Variants in THSD7B observed in about 807,000 individuals in gnomAD.
THSD7B encodes the protein thrombospondin type-1 domain-containing protein 7B.
In THSD7B, 138 loss-of-function variants were observed where a neutral mutation model predicts 213.6. The observed-to-expected ratio is 0.65, with a 90% CI of 0.56 to 0.74. The LOEUF (loss-of-function observed/expected upper bound fraction) is 0.74, where lower values mean the gene tolerates loss of function less well. THSD7B is among the 30% of genes least tolerant of loss of function. The pLI, the probability that THSD7B is intolerant of heterozygous loss-of-function variation, is 0.00. For synonymous variants in THSD7B, 742 were observed against 687.0 expected (o/e 1.08, Z -1.25); for missense variants, 1,931 against 1,991.5 (o/e 0.97, Z 0.58).
intron 7 of THSD7B, among the ~76,000 whole-genome samples, chr2:137,171,337 A>G (rs12990583): frequency 0.046 from 7,019 of 152,272 alleles, 199 homozygotes; most frequent in Admixed American, 0.069. Context: ...GGACTGAAAC[A>G]TCCTGCAAGT....
intron 1 of THSD7B, among the ~76,000 whole-genome samples, chr2:136,783,596 CTG>C (rs1681785334): frequency 6.6e-6 from 1 of 152,048 alleles, no homozygotes; most frequent in Admixed American, 6.5e-5. Flanking sequence ...GCTGAAAATG[CTG>C]TCCTAAGGGA....
At chr2:137,198,554 T>G (rs1189387806) in intron 7 of THSD7B, among the ~76,000 whole-genome samples, 1 of 152,168 alleles carries the variant, frequency 6.6e-6, no homozygotes, top group African/African-American at 2.4e-5. Context: ...GACTAACGGT[T>G]TCAGCTGCTA....
chr2:137,108,120 G>C (rs572686680), intron 4 of THSD7B, among the ~76,000 whole-genome samples: 4 of 152,206 alleles, frequency 2.6e-5, no homozygotes, highest in African/African-American at 9.6e-5. Context: ...ATCTATATGT[G>C]CTCAGTCAAA....
chr2:137,121,401 C>A (rs574149305), intron 5 of THSD7B, among the ~76,000 whole-genome samples: 1 of 152,170 alleles, frequency 6.6e-6, no homozygotes, highest in Admixed American at 6.5e-5. Flanking sequence ...AATTTGATCT[C>A]CTGAAGAGGA....
intron 1 of THSD7B, among the ~76,000 whole-genome samples, chr2:136,828,668 C>T (rs1041285689): frequency 6.6e-6 from 1 of 152,196 alleles, no homozygotes; most frequent in African/African-American, 2.4e-5. Flanking sequence ...GTTCCTCAGG[C>T]CTGCTAAGCA....
chr2:136,894,011 G>T (rs986914285), intron 2 of THSD7B, among the ~76,000 whole-genome samples: 2 of 152,070 alleles, frequency 1.3e-5, no homozygotes, highest in Non-Finnish European at 2.9e-5. Flanking sequence ...GAGAATCCAT[G>T]ATATTATTAC....
At chr2:137,282,656 T>C (rs983574294) in intron 12 of THSD7B, among the ~76,000 whole-genome samples, 2 of 152,192 alleles carry the variant, frequency 1.3e-5, no homozygotes, top group African/African-American at 2.4e-5. Context: ...ATTTATTAAA[T>C]AGGGAATCCT....
At chr2:137,345,067 C>T (rs1482487618) in intron 12 of THSD7B, among the ~76,000 whole-genome samples, 1 of 151,666 alleles carries the variant, frequency 6.6e-6, no homozygotes, top group African/African-American at 2.4e-5. Context: ...CCAGAGGAAG[C>T]TACTTCTTGC....
At chr2:137,148,024 A>T (rs1679737809) in intron 5 of THSD7B, among the ~76,000 whole-genome samples, 1 of 152,012 alleles carries the variant, frequency 6.6e-6, no homozygotes, top group African/African-American at 2.4e-5. Context: ...CTGTGTCCCC[A>T]CCCAAATTTT....
At chr2:136,768,406 G>A (rs1013146584) in intron 1 of THSD7B, among the ~76,000 whole-genome samples, 11 of 151,834 alleles carry the variant, frequency 7.2e-5, no homozygotes, top group African/African-American at 2.7e-4. Context: ...AAGAAAAAAA[G>A]TCTTGCCAAA....
intron 5 of THSD7B, among the ~76,000 whole-genome samples, chr2:137,119,171 T>C (rs549914441): frequency 6.6e-6 from 1 of 152,338 alleles, no homozygotes; most frequent in South Asian, 2.1e-4. Context: ...TTGAAGGAAA[T>C]GTGGTAAACC....
chr2:137,012,034 C>T (rs1686239442), intron 2 of THSD7B, among the ~76,000 whole-genome samples: 1 of 152,166 alleles, frequency 6.6e-6, no homozygotes, highest in East Asian at 1.9e-4. Context: ...TTAGCATCAG[C>T]AATCCTATTC....
At chr2:137,562,872 A>G (rs767679953) in intron 15 of THSD7B, among the ~76,000 whole-genome samples, 18 of 152,156 alleles carry the variant, frequency 1.2e-4, no homozygotes, top group Non-Finnish European at 2.5e-4. Flanking sequence ...AGAATACAAT[A>G]TACCATACAA....
chr2:137,543,400 A>G (rs1488042158), intron 15 of THSD7B, among the ~76,000 whole-genome samples: 1 of 151,882 alleles, frequency 6.6e-6, no homozygotes, highest in Non-Finnish European at 1.5e-5. Context: ...CTTTTTGACA[A>G]ATAGTGCTTG....
chr2:137,555,351 G>C (rs1018425085), intron 15 of THSD7B, among the ~76,000 whole-genome samples: 2 of 152,192 alleles, frequency 1.3e-5, no homozygotes, highest in Non-Finnish European at 2.9e-5. Flanking sequence ...GAAACCTCCA[G>C]GGGAACGATT....
chr2:137,542,347 A>G (rs910233598), intron 15 of THSD7B, among the ~76,000 whole-genome samples: 1 of 151,738 alleles, frequency 6.6e-6, no homozygotes, highest in African/African-American at 2.4e-5. Context: ...CATATCCAGC[A>G]AAGTATTCTT....
intron 26 of THSD7B, among the ~76,000 whole-genome samples, chr2:137,665,362 G>A (rs1683426648): frequency 6.6e-6 from 1 of 152,056 alleles, no homozygotes; most frequent in African/African-American, 2.4e-5. Flanking sequence ...GTGAGTATAT[G>A]TGTGTGTGTC....
At position 136,912,890 on chromosome 2, in the gene THSD7B, A is replaced by G. The variant is rs186395149; in HGVS notation, c.139+30573A>G. Among the ~76,000 whole-genome samples, 8 of 152,314 alleles carry G rather than the reference A, an allele frequency of 5.3e-5. No individual in the cohort carries two copies. In the East Asian group the frequency reaches 9.6e-4, roughly 18 times the overall value. The stretch of plus-strand genomic sequence containing the variant: ...TTACCAGCAGCATGAAAATGAACTA[A>G]TACAGTAAATTGGTACCAGTAGAGT... On this transcript the variant is annotated intron_variant, in intron 2 of 27. Transcript: ENST00000409968.
chr2:137,103,776 A>T (rs1051034763), intron 4 of THSD7B, among the ~76,000 whole-genome samples: 14 of 152,312 alleles, frequency 9.2e-5, no homozygotes, highest in South Asian at 8.3e-4. Context: ...ACAAAGATAA[A>T]AAAAATCAAA....
Sources: allele counts gnomAD v4.1 joint callset (sites outside exome capture counted in the v4.1 genomes callset), GRCh38; gene constraint gnomAD v4.1.1; transcripts MANE v1.5; gene names NCBI Gene and HGNC (gene_info 2026-07-23, HGNC 2026-07-21).